The following MAGI2 variants were observed in gnomAD, a reference collection of about 807,000 sequenced individuals.
The protein encoded by MAGI2 is membrane-associated guanylate kinase, WW and PDZ domain-containing protein 2.
A neutral mutation model predicts 133.3 loss-of-function variants in MAGI2; 35 were observed. That is an observed-to-expected ratio of 0.26 (90% CI 0.20 to 0.35). The LOEUF (loss-of-function observed/expected upper bound fraction) is 0.35, where lower values mean the gene tolerates loss of function less well. Ranked by LOEUF, MAGI2 falls within the 10% of genes least tolerant of loss-of-function variation. The pLI is 1.00. For synonymous variants in MAGI2, 729 were observed against 710.6 expected, an observed-to-expected ratio of 1.03 and a Z score of -0.41; for missense variants, 1,636 against 1,863.4, an observed-to-expected ratio of 0.88 and a Z score of 2.25.
At chr7:78,498,138 A>G (rs1258637464) in intron 5 of MAGI2, among the ~76,000 whole-genome samples, 1 of 152,240 alleles carries the variant, frequency 6.6e-6, no homozygotes, top group Non-Finnish European at 1.5e-5. Flanking sequence ...AGTAGATTTT[A>G]AGTGTTCTCA....
chr7:79,151,916 A>G (rs1823287427), intron 1 of MAGI2, among the ~76,000 whole-genome samples: 1 of 152,140 alleles, frequency 6.6e-6, no homozygotes, highest in African/African-American at 2.4e-5. Context: ...TTATGGTGTG[A>G]CAGTAGATTG....
chr7:78,498,681 C>A lies in MAGI2; in HGVS notation c.965+2896G>T, dbSNP rs532649809. 8.5e-5 allele frequency among the ~76,000 whole-genome samples: 13 copies of A among 152,220 alleles called. No individual in the cohort carries two copies. The East Asian group carries it at 2.5e-3, about 29-fold the overall frequency. ...TCCACTGCCCGCTCTGTGATACCTG[C>A]GTTCACCACACCGAATCTTGAGGTT... On this transcript the variant is annotated intron_variant, in intron 5 of 21. Transcript: ENST00000354212.
chr7:79,232,710 G>T (rs1180776226), intron 1 of MAGI2, among the ~76,000 whole-genome samples: 1 of 132,224 alleles, frequency 7.6e-6, no homozygotes, highest in African/African-American at 3.0e-5. Flanking sequence ...CTGGCTAGCG[G>T]TCTATCAATT....
intron 14 of MAGI2, among the ~76,000 whole-genome samples, chr7:78,174,349 G>T (rs1384104186): frequency 1.3e-5 from 2 of 152,200 alleles, no homozygotes; most frequent in African/African-American, 4.8e-5. Context: ...CCTTAGGTTG[G>T]TAAGTTTGAA....
chr7:79,129,197 T>G (rs1205231868), intron 1 of MAGI2, among the ~76,000 whole-genome samples: 1 of 152,158 alleles, frequency 6.6e-6, no homozygotes, highest in Non-Finnish European at 1.5e-5. Flanking sequence ...AACACTTACA[T>G]TAGCCTACAG....
chr7:78,244,498 A>G (rs186609505), intron 10 of MAGI2, among the ~76,000 whole-genome samples: 1 of 152,338 alleles, frequency 6.6e-6, no homozygotes, highest in African/African-American at 2.4e-5. Context: ...GATGTATATT[A>G]TATCTGCAAG....
At position 78,443,295 on chromosome 7, in the gene MAGI2, A is replaced by C. The variant is rs142877999; in HGVS notation, c.1045+46466T>G. Among the ~76,000 whole-genome samples the C allele has an allele frequency of 3.8e-3, 586 of 152,272 alleles. 5 individuals are homozygous for C. Among genetic ancestry groups the C allele is most frequent in the African/African-American group, 0.013 (558 of 41,566 alleles). ...GATGATTTACATTTGGCAGTAATACACTGGGGAGTTGCACTGGAGAAGTGG... is the reference window on the plus strand; with the variant it reads ...GATGATTTACATTTGGCAGTAATACCCTGGGGAGTTGCACTGGAGAAGTGG... On this transcript the variant is annotated intron_variant, in intron 6 of 21. Coordinates refer to ENST00000354212, the MANE Select transcript of MAGI2 (RefSeq NM_012301.4).
chr7:79,393,836 C>A (rs911697320), intron 1 of MAGI2, among the ~76,000 whole-genome samples: 1 of 152,150 alleles, frequency 6.6e-6, no homozygotes, highest in Admixed American at 6.6e-5. Flanking sequence ...CAGGCAGTTC[C>A]CGCTTCCCTA....
In MAGI2 at chr7:78,707,692, A is replaced by G. The variant is rs143715430; in HGVS notation, c.419-80453T>C. Among the ~76,000 whole-genome samples the G allele has an allele frequency of 2.9e-3, 435 of 152,256 alleles. 3 individuals carry two copies. Among genetic ancestry groups the G allele is most frequent in the Admixed American group, 0.022 (330 of 15,280 alleles). On this transcript the variant is annotated intron_variant, in intron 2 of 21. Coordinates refer to ENST00000354212, the MANE Select transcript of MAGI2 (RefSeq NM_012301.4). Reference sequence around the variant, plus strand: ...GATTTGCATTCTTATATCTCATTATAGAGTTTCCTATTTGAATTTCCATCT... The same window carrying G: ...GATTTGCATTCTTATATCTCATTATGGAGTTTCCTATTTGAATTTCCATCT...
chr7:78,066,189 C>T (rs1584993511), intron 21 of MAGI2, among the ~76,000 whole-genome samples: 3 of 152,258 alleles, frequency 2.0e-5, no homozygotes, highest in Admixed American at 2.0e-4. Context: ...TGGTCAGGCA[C>T]GGTGGCTCAT....
At chr7:78,146,521 GT>G (rs774481388) in intron 16 of MAGI2, among the ~76,000 whole-genome samples, 1 of 152,126 alleles carries the variant, frequency 6.6e-6, no homozygotes, top group Non-Finnish European at 1.5e-5. Flanking sequence ...GTCACTTGTA[GT>G]CTTGAGAGAT....
intron 3 of MAGI2, among the ~76,000 whole-genome samples, chr7:78,582,668 A>C (rs1349116564): frequency 6.6e-6 from 1 of 152,258 alleles, no homozygotes; most frequent in East Asian, 1.9e-4. Flanking sequence ...TGCTTGAGCA[A>C]TAAATACATT....
chr7:79,054,673 C>G (rs1257246682), intron 1 of MAGI2, among the ~76,000 whole-genome samples: 1 of 152,158 alleles, frequency 6.6e-6, no homozygotes, highest in Non-Finnish European at 1.5e-5. Flanking sequence ...CATTCTGTTC[C>G]TCCCATGTTT....
At chr7:79,055,107 T>A (rs1299830575) in intron 1 of MAGI2, among the ~76,000 whole-genome samples, 1 of 152,206 alleles carries the variant, frequency 6.6e-6, no homozygotes, top group Non-Finnish European at 1.5e-5. Flanking sequence ...TTGCCTGTCC[T>A]ATCTTTATGC....
At chr7:79,344,195 A>G (rs1210185989) in intron 1 of MAGI2, among the ~76,000 whole-genome samples, 1 of 144,748 alleles carries the variant, frequency 6.9e-6, no homozygotes, top group Admixed American at 7.1e-5. Context: ...ATAAAAACAC[A>G]GCTACAAAAC....
At chr7:78,188,969 C>T (rs575363915) in intron 12 of MAGI2, among the ~76,000 whole-genome samples, 1 of 152,226 alleles carries the variant, frequency 6.6e-6, no homozygotes, top group African/African-American at 2.4e-5. Context: ...CTTCCCCCAT[C>T]ACTTTTCATT....
intron 6 of MAGI2, among the ~76,000 whole-genome samples, chr7:78,442,187 T>G (rs780356405): frequency 6.6e-6 from 1 of 152,192 alleles, no homozygotes; most frequent in African/African-American, 2.4e-5. Context: ...TCTGAACATA[T>G]TCTCCTCGAC....
chr7:79,165,159 G>GT (rs144369226), intron 1 of MAGI2, among the ~76,000 whole-genome samples: 8,716 of 148,124 alleles, frequency 0.059, 516 homozygotes, highest in East Asian at 0.15. Flanking sequence ...TTTCTTAAGT[G>GT]TTTTTTTTGT....
intron 1 of MAGI2, among the ~76,000 whole-genome samples, chr7:79,208,859 A>G (rs1313839898): frequency 1.3e-5 from 2 of 152,028 alleles, no homozygotes; most frequent in African/African-American, 4.8e-5. Flanking sequence ...ATAAAAATAA[A>G]TGAAATCCTG....
Sources: allele counts gnomAD v4.1 joint callset (sites outside exome capture counted in the v4.1 genomes callset), GRCh38; gene constraint gnomAD v4.1.1; transcripts MANE v1.5; gene names NCBI Gene and HGNC (gene_info 2026-07-23, HGNC 2026-07-21).